Variants in GABRG3 observed in about 807,000 individuals in gnomAD.
GABRG3 encodes gamma-aminobutyric acid receptor subunit gamma-3.
Under a neutral mutation model 48.8 loss-of-function variants are expected in GABRG3, and 25 were observed. That is an observed-to-expected ratio of 0.51 (90% CI 0.37 to 0.72). The LOEUF (loss-of-function observed/expected upper bound fraction) is 0.72. Ranked by LOEUF, GABRG3 falls within the 30% of genes least tolerant of loss-of-function variation. The pLI is 0.00. For synonymous variants in GABRG3, 227 were observed against 217.6 expected (o/e 1.04, Z -0.38); for missense variants, 394 against 577.9 (o/e 0.68, Z 3.26).
intron 3 of GABRG3, among the ~76,000 whole-genome samples, chr15:27,238,014 G>C (rs928898830): frequency 3.9e-5 from 6 of 152,236 alleles, no homozygotes; most frequent in Non-Finnish European, 8.8e-5. Context: ...GTGAGAAGAA[G>C]AGTTAATTTA....
At chr15:27,495,319 C>T (rs531595767) in intron 6 of GABRG3, among the ~76,000 whole-genome samples, 119 of 152,312 alleles carry the variant, frequency 7.8e-4, no homozygotes, top group African/African-American at 2.7e-3. Context: ...TCTAAGGTTG[C>T]ATAATATTCC....
At chr15:27,332,316 C>G (rs1893829294) in intron 5 of GABRG3, among the ~76,000 whole-genome samples, 1 of 152,296 alleles carries the variant, frequency 6.6e-6, no homozygotes, top group Non-Finnish European at 1.5e-5. Context: ...GAGTTCGAGA[C>G]CAGCCTGGCC....
At chr15:27,084,414 G>T (rs1229864888) in intron 3 of GABRG3, among the ~76,000 whole-genome samples, 1 of 152,204 alleles carries the variant, frequency 6.6e-6, no homozygotes, top group African/African-American at 2.4e-5. Flanking sequence ...AGGTTATTCT[G>T]CCCTGACCCT....
chr15:27,393,039 G>A (rs1369618862), intron 5 of GABRG3, among the ~76,000 whole-genome samples: 1 of 152,038 alleles, frequency 6.6e-6, no homozygotes, highest in Admixed American at 6.6e-5. Flanking sequence ...TTTCAGTAGA[G>A]AACGGTATTA....
chr15:27,477,111 TCCA>T (rs1239501342), intron 5 of GABRG3, among the ~76,000 whole-genome samples: 1 of 152,176 alleles, frequency 6.6e-6, no homozygotes, highest in Non-Finnish European at 1.5e-5. Context: ...ACAAGTCACA[TCCA>T]CAAAAAACTT....
At chr15:27,174,572 C>CCTCTCTCTCGTCTCT (rs1217832709) in intron 3 of GABRG3, among the ~76,000 whole-genome samples, 51 of 143,126 alleles carry the variant, frequency 3.6e-4, no homozygotes, top group African/African-American at 1.3e-3. Flanking sequence ...CCAGTGACTG[C>CCTCTCTCTCGTCTCT]CTCTCTCTCT....
At chr15:27,285,880 C>A (rs527933616) in intron 3 of GABRG3, among the ~76,000 whole-genome samples, 1 of 152,186 alleles carries the variant, frequency 6.6e-6, no homozygotes, top group Non-Finnish European at 1.5e-5. Flanking sequence ...GCAGTTCCTT[C>A]GTCTCTGTTG....
intron 3 of GABRG3, among the ~76,000 whole-genome samples, chr15:27,321,661 C>T (rs985413192): frequency 5.9e-5 from 9 of 152,182 alleles, no homozygotes; most frequent in Non-Finnish European, 1.0e-4. Context: ...CTCAAGCTAA[C>T]GAGCTGAGGC....
chr15:27,018,549 G>T (rs1440580502), intron 2 of GABRG3, among the ~76,000 whole-genome samples: 1 of 152,110 alleles, frequency 6.6e-6, no homozygotes, highest in East Asian at 1.9e-4. Context: ...GCCTTCTTGA[G>T]ATCACATATT....
At chr15:27,487,705 G>C (rs955638394) in intron 6 of GABRG3, among the ~76,000 whole-genome samples, 1 of 152,094 alleles carries the variant, frequency 6.6e-6, no homozygotes, top group Non-Finnish European at 1.5e-5. Context: ...TTATATTACT[G>C]CTTCCAATAT....
chr15:27,038,286 C>CT (rs1378421129), intron 3 of GABRG3, among the ~76,000 whole-genome samples: 1 of 152,132 alleles, frequency 6.6e-6, no homozygotes, highest in Admixed American at 6.5e-5. Context: ...TTCTGTGGTA[C>CT]TTTCTGTGTG....
At chr15:27,498,583 C>T (rs976867440) in intron 6 of GABRG3, among the ~76,000 whole-genome samples, 2 of 151,982 alleles carry the variant, frequency 1.3e-5, no homozygotes, top group African/African-American at 4.8e-5. Flanking sequence ...GCAACCTCTG[C>T]CTCCCAGGTT....
intron 3 of GABRG3, chr15:27,027,029 TTTC>T: frequency 2.2e-6 from 1 of 455,684 alleles, no homozygotes; most frequent in East Asian, 3.4e-5. Context: ...CCACTTTTAG[TTTC>T]TTCTTTCAAC....
chr15:27,033,879 G>A (rs1440377397), intron 3 of GABRG3, among the ~76,000 whole-genome samples: 1 of 152,164 alleles, frequency 6.6e-6, no homozygotes, highest in African/African-American at 2.4e-5. Context: ...ATTACAACCT[G>A]TAAATTTTGT....
At chr15:27,184,207 T>TA (rs1888021240) in intron 3 of GABRG3, among the ~76,000 whole-genome samples, 1 of 152,192 alleles carries the variant, frequency 6.6e-6, no homozygotes, top group Non-Finnish European at 1.5e-5. Context: ...AATGGGAAAC[T>TA]AATGATAGAT....
At chr15:27,310,272 A>G (rs1244889682) in intron 3 of GABRG3, among the ~76,000 whole-genome samples, 2 of 152,156 alleles carry the variant, frequency 1.3e-5, no homozygotes, top group African/African-American at 4.8e-5. Flanking sequence ...TGATAGCTAC[A>G]CAAATATATA....
chr15:27,142,046 T>A (rs1898113567), intron 3 of GABRG3, among the ~76,000 whole-genome samples: 1 of 152,246 alleles, frequency 6.6e-6, no homozygotes, highest in South Asian at 2.1e-4. Context: ...ACATTCACCT[T>A]GATTTTAAAA....
chr15:27,052,395 G>T (rs150669870), intron 3 of GABRG3, among the ~76,000 whole-genome samples: 1 of 152,226 alleles, frequency 6.6e-6, no homozygotes, highest in African/African-American at 2.4e-5. Flanking sequence ...GCCTCGGCGT[G>T]TGGCACAGGT....
chr15:27,384,516 A>T (rs1895866419), intron 5 of GABRG3, among the ~76,000 whole-genome samples: 1 of 152,230 alleles, frequency 6.6e-6, no homozygotes, highest in Non-Finnish European at 1.5e-5. Flanking sequence ...CAAGTGCTTG[A>T]TAAAGGGGAC....
Sources: gnomAD v4.1 joint callset for allele counts (sites outside exome capture counted in the v4.1 genomes callset) on GRCh38, gnomAD v4.1.1 for gene constraint, MANE v1.5 for transcripts, NCBI Gene and HGNC (gene_info 2026-07-23, HGNC 2026-07-21) for gene names.